The following DPP10 variants were observed in gnomAD, a reference collection of about 807,000 sequenced individuals.
DPP10 encodes dipeptidyl peptidase like 10.
A neutral mutation model predicts 120.9 loss-of-function variants in DPP10; 33 were observed. The ratio of observed to expected loss-of-function variants is 0.27; its 90% CI spans 0.21 to 0.37. The LOEUF is 0.37. DPP10 is among the 10% of genes least tolerant of loss of function. The probability of loss-of-function intolerance (pLI) is 1.00; values close to 1 mark genes in which losing one functional copy is unlikely to be tolerated. For synonymous variants in DPP10, 337 were observed against 326.1 expected, an observed-to-expected ratio of 1.03 and a Z score of -0.36; for missense variants, 816 against 942.8, an observed-to-expected ratio of 0.87 and a Z score of 1.76.
chr2:115,066,472 T>C (rs934945238), intron 1 of DPP10, among the ~76,000 whole-genome samples: 2 of 152,230 alleles, frequency 1.3e-5, no homozygotes, highest in Non-Finnish European at 1.5e-5. Flanking sequence ...CAGGATCTAA[T>C]GGGAGTCTTA....
At chr2:115,019,578 T>C (rs974636371) in intron 1 of DPP10, among the ~76,000 whole-genome samples, 2 of 152,160 alleles carry the variant, frequency 1.3e-5, no homozygotes, top group Non-Finnish European at 1.5e-5. Flanking sequence ...ATATAAAAGT[T>C]TGGAAAACAT....
chr2:115,739,649 G>A (rs1677006970), intron 8 of DPP10, 90 bp from the exon 9 acceptor site: 1 of 1,311,096 alleles, frequency 7.6e-7, no homozygotes, highest in East Asian at 2.3e-5. Flanking sequence ...GAAAATATAG[G>A]TGTACAATGG....
chr2:115,240,938 C>T (rs753169085), intron 1 of DPP10, among the ~76,000 whole-genome samples: 55 of 152,174 alleles, frequency 3.6e-4, no homozygotes, highest in African/African-American at 1.3e-3. Flanking sequence ...TGACATAGTA[C>T]TAAATGATAC....
intron 3 of DPP10, among the ~76,000 whole-genome samples, chr2:115,491,144 A>G (rs944248039): frequency 2.6e-5 from 4 of 151,906 alleles, no homozygotes; most frequent in African/African-American, 7.3e-5. Context: ...AACAAACAAA[A>G]CCTCCCCCAA....
chr2:114,472,387 T>C (rs1353021527), intron 1 of DPP10, among the ~76,000 whole-genome samples: 1 of 152,220 alleles, frequency 6.6e-6, no homozygotes, highest in East Asian at 1.9e-4. Flanking sequence ...AAAGGATTTA[T>C]AATTGCAAGC....
At chr2:115,241,609 A>G (rs1026182342) in intron 1 of DPP10, among the ~76,000 whole-genome samples, 2 of 152,208 alleles carry the variant, frequency 1.3e-5, no homozygotes, top group African/African-American at 4.8e-5. Context: ...TGGGAATTCT[A>G]TAAACCATGG....
intron 21 of DPP10, among the ~76,000 whole-genome samples, chr2:115,822,635 T>A (rs773121177): frequency 6.6e-6 from 1 of 151,968 alleles, no homozygotes; most frequent in Non-Finnish European, 1.5e-5. Context: ...TGTGCATAGT[T>A]ATAGATATTT....
At chr2:115,504,151 C>G (rs2076826027) in intron 4 of DPP10, among the ~76,000 whole-genome samples, 1 of 151,928 alleles carries the variant, frequency 6.6e-6, no homozygotes. Context: ...GGCTTCCTCT[C>G]TTGTGTGTAT....
chr2:114,730,533 T>TA (rs1676794400), intron 1 of DPP10, among the ~76,000 whole-genome samples: 2 of 152,196 alleles, frequency 1.3e-5, no homozygotes, highest in African/African-American at 4.8e-5. Flanking sequence ...AAACCCACAA[T>TA]AGAGTCATAT....
chr2:115,748,439 A>T (rs557594108), intron 10 of DPP10, among the ~76,000 whole-genome samples: 3 of 152,216 alleles, frequency 2.0e-5, no homozygotes, highest in South Asian at 4.1e-4. Flanking sequence ...AAATCGCCAA[A>T]ATGACTACAA....
intron 1 of DPP10, among the ~76,000 whole-genome samples, chr2:115,169,709 A>G (rs2053172572): frequency 6.6e-6 from 1 of 152,182 alleles, no homozygotes; most frequent in South Asian, 2.1e-4. Context: ...GAAATTTAAG[A>G]AAAGTTAGTT....
chr2:115,529,522 T>C (rs969467090), intron 5 of DPP10, among the ~76,000 whole-genome samples: 21 of 151,900 alleles, frequency 1.4e-4, no homozygotes, highest in Non-Finnish European at 2.8e-4. Context: ...TTATGCAAGA[T>C]CATTGAAATC....
At chr2:115,724,031 T>C (rs181996980) in intron 7 of DPP10, among the ~76,000 whole-genome samples, 17 of 152,332 alleles carry the variant, frequency 1.1e-4, no homozygotes, top group Non-Finnish European at 2.2e-4. Context: ...AGTCTAATGT[T>C]TAATTATGTA....
chr2:115,344,662 G>T (rs558252868), intron 3 of DPP10, among the ~76,000 whole-genome samples: 135 of 152,112 alleles, frequency 8.9e-4, no homozygotes, highest in Non-Finnish European at 1.6e-3. Flanking sequence ...GGCTTCATAG[G>T]TTTTGCTTTG....
At chr2:114,526,726 G>A (rs1038713934) in intron 1 of DPP10, among the ~76,000 whole-genome samples, 1 of 151,990 alleles carries the variant, frequency 6.6e-6, no homozygotes, top group Non-Finnish European at 1.5e-5. Context: ...GAGCCCTCTT[G>A]GGTCTCTTTT....
chr2:114,927,951 G>C (rs578010285), intron 1 of DPP10, among the ~76,000 whole-genome samples: 1 of 152,120 alleles, frequency 6.6e-6, no homozygotes, highest in Admixed American at 6.5e-5. Context: ...ACCAACTCTT[G>C]TGGGAACTAA....
chr2:115,570,981 ATTAAC>A lies in DPP10; in HGVS notation c.441+45010_441+45014del, dbSNP rs1426366862. Among the ~76,000 whole-genome samples, 6 of 152,292 alleles carry A rather than the reference ATTAAC, an allele frequency of 3.9e-5. No homozygotes were observed. In the East Asian group the frequency reaches 1.2e-3, roughly 30 times the overall value. On this transcript the variant is annotated intron_variant, in intron 5 of 25. Coordinates refer to ENST00000410059, the MANE Select transcript of DPP10 (RefSeq NM_020868.6). ...AGGACGGAGAGGGGAGTCGGTGGGC[ATTAAC>A]CACAGTGTAAATCAGGTTGTGGAAA...
chr2:114,650,598 AG>A (rs1696511771), intron 1 of DPP10, among the ~76,000 whole-genome samples: 1 of 152,218 alleles, frequency 6.6e-6, no homozygotes, highest in Admixed American at 6.5e-5. Flanking sequence ...GCATCCCATT[AG>A]TTTACATGAG....
intron 3 of DPP10, among the ~76,000 whole-genome samples, chr2:115,470,002 G>T (rs554388278): frequency 1.3e-5 from 2 of 151,724 alleles, no homozygotes; most frequent in Non-Finnish European, 1.5e-5. Context: ...TAAATGAAAC[G>T]TGGAAAATCT....
Sources: allele counts gnomAD v4.1 joint callset (sites outside exome capture counted in the v4.1 genomes callset), GRCh38; gene constraint gnomAD v4.1.1; transcripts MANE v1.5; gene names NCBI Gene and HGNC (gene_info 2026-07-23, HGNC 2026-07-21).